Variants in AMBRA1 observed in about 807,000 individuals in gnomAD.
AMBRA1 encodes the protein autophagy and beclin 1 regulator 1, also known as activating molecule in BECN1-regulated autophagy protein 1.
Under a neutral mutation model 125.4 loss-of-function variants are expected in AMBRA1, and 47 were observed. That is an observed-to-expected ratio of 0.37 (90% CI 0.30 to 0.48). The LOEUF (loss-of-function observed/expected upper bound fraction) is 0.48. AMBRA1 is among the 20% of genes least tolerant of loss of function. The pLI is 0.99. For missense variants in AMBRA1, 1,331 were observed against 1,693.4 expected, an observed-to-expected ratio of 0.79 and a Z score of 3.76; for synonymous variants, 626 against 655.5, an observed-to-expected ratio of 0.95 and a Z score of 0.69.
intron 9 of AMBRA1, among the ~76,000 whole-genome samples, chr11:46,507,217 C>T (rs1196984666): frequency 2.2e-4 from 32 of 145,428 alleles, no homozygotes; most frequent in Non-Finnish European, 3.9e-4. Flanking sequence ...CGGTGGGTCA[C>T]GCCTGTAATC....
intron 14 of AMBRA1, among the ~76,000 whole-genome samples, chr11:46,421,712 T>C (rs1390532176): frequency 1.3e-5 from 2 of 152,152 alleles, no homozygotes; most frequent in Non-Finnish European, 2.9e-5. Context: ...CTCTCACAAT[T>C]AGCCCTACAG....
At chr11:46,507,423 G>T (rs1242998224) in intron 9 of AMBRA1, among the ~76,000 whole-genome samples, 2 of 150,740 alleles carry the variant, frequency 1.3e-5, no homozygotes, top group Non-Finnish European at 2.9e-5. Flanking sequence ...AGCTTGCAGT[G>T]AGCCGAGATA....
At chr11:46,531,099 T>C (rs887203148) in intron 7 of AMBRA1, among the ~76,000 whole-genome samples, 1 of 152,050 alleles carries the variant, frequency 6.6e-6, no homozygotes, top group Non-Finnish European at 1.5e-5. Flanking sequence ...GCCAGGCTGG[T>C]CTCCAACTCC....
chr11:46,514,726 C>T (rs1426488284), intron 7 of AMBRA1, among the ~76,000 whole-genome samples: 1 of 152,012 alleles, frequency 6.6e-6, no homozygotes, highest in Non-Finnish European at 1.5e-5. Flanking sequence ...CCTCCTGCCT[C>T]GGCCTCCCAA....
In AMBRA1 at chr11:46,542,056, G is replaced by A. The variant is rs1288746317; in HGVS notation, c.1961C>T (p.Thr654Ile). The A allele has an allele frequency of 3.1e-6, 5 of 1,613,928 alleles. No individual in the cohort carries two copies. The South Asian group carries it at 4.4e-5, about 14-fold the overall frequency. Reference protein sequence around the residue: ...RTVGVAFNQETGHWERIYTQS... With the variant: ...RTVGVAFNQEIGHWERIYTQS... Reference sequence around the variant, plus strand: ...GGTGTAAATTCTTTCCCAGTGGCCTGTCTCCTGGTTAAAGGCCACCCCCAC... The same window carrying A: ...GGTGTAAATTCTTTCCCAGTGGCCTATCTCCTGGTTAAAGGCCACCCCCAC... The change falls in exon 7 of 18, where the codon ACA (threonine) becomes ATA (isoleucine). Residue 654 changes from threonine to isoleucine, a missense_variant. Transcript: ENST00000683756. The surrounding 1 kb of genome is among the most constrained non-coding windows in gnomAD (Gnocchi z 5.9).
chr11:46,563,811 A>G (rs1307920314), intron 1 of AMBRA1, among the ~76,000 whole-genome samples: 1 of 148,200 alleles, frequency 6.7e-6, no homozygotes, highest in African/African-American at 2.5e-5. Flanking sequence ...ACTGTACTCC[A>G]GGCTAGTCTG....
intron 7 of AMBRA1, among the ~76,000 whole-genome samples, chr11:46,533,258 G>A (rs202199737): frequency 8.9e-6 from 1 of 112,306 alleles, no homozygotes; most frequent in Non-Finnish European, 2.1e-5. Flanking sequence ...CACACAAATT[G>A]TTAATAGCAG....
intron 11 of AMBRA1, among the ~76,000 whole-genome samples, chr11:46,461,380 T>C (rs545566269): frequency 1.3e-5 from 2 of 152,260 alleles, no homozygotes; most frequent in Non-Finnish European, 2.9e-5. Flanking sequence ...TATGCCTGTA[T>C]AGATACTACT....
At chr11:46,564,739 C>A (rs1229175061) in intron 1 of AMBRA1, among the ~76,000 whole-genome samples, 1 of 152,154 alleles carries the variant, frequency 6.6e-6, no homozygotes, top group Admixed American at 6.6e-5. Context: ...AATATCCATG[C>A]CTCAACCTAT....
chr11:46,468,428 A>G (rs1344218104), intron 11 of AMBRA1, among the ~76,000 whole-genome samples: 1 of 152,032 alleles, frequency 6.6e-6, no homozygotes, highest in Non-Finnish European at 1.5e-5. Flanking sequence ...CCTTGGCTCA[A>G]TGTAACTCTG....
chr11:46,416,533 A>G (rs1237804629), intron 15 of AMBRA1, among the ~76,000 whole-genome samples: 39 of 152,242 alleles, frequency 2.6e-4, no homozygotes, highest in Admixed American at 2.5e-3. Context: ...CCTTTCTCCT[A>G]GGCCACTGAC....
At chr11:46,584,986 C>G (rs568278479) in intron 1 of AMBRA1, among the ~76,000 whole-genome samples, 21 of 152,158 alleles carry the variant, frequency 1.4e-4, no homozygotes, top group African/African-American at 5.1e-4. Context: ...GCAGGAGAAA[C>G]GCTTGAACCT....
chr11:46,501,496 A>C (rs1349985235), intron 9 of AMBRA1, among the ~76,000 whole-genome samples: 7 of 152,238 alleles, frequency 4.6e-5, no homozygotes, highest in African/African-American at 1.7e-4. Context: ...ATGAATACAA[A>C]ATAATGTAAA....
intron 14 of AMBRA1, among the ~76,000 whole-genome samples, chr11:46,425,148 TAGAA>T (rs1213917170): frequency 1.3e-5 from 2 of 151,882 alleles, no homozygotes; most frequent in African/African-American, 4.8e-5. Context: ...AATAAATAAA[TAGAA>T]AGAAAGCAAT....
chr11:46,531,404 A>C, intron 7 of AMBRA1, among the ~76,000 whole-genome samples: 1 of 152,128 alleles, frequency 6.6e-6, no homozygotes, highest in Non-Finnish European at 1.5e-5. Context: ...TGAGCAGCAA[A>C]GGTAAGAAAG....
At chr11:46,423,645 C>T (rs1278065102) in intron 14 of AMBRA1, among the ~76,000 whole-genome samples, 1 of 152,142 alleles carries the variant, frequency 6.6e-6, no homozygotes, top group African/African-American at 2.4e-5. Context: ...CCTGCCTCGG[C>T]CTCCCAAAGT....
intron 12 of AMBRA1, among the ~76,000 whole-genome samples, chr11:46,441,652 T>A (rs372331322): frequency 3.3e-5 from 5 of 152,148 alleles, no homozygotes; most frequent in Admixed American, 3.3e-4. Context: ...AAGCTAATAG[T>A]GTCTGAAGCA....
chr11:46,591,836 G>T (rs567649949), intron 1 of AMBRA1, among the ~76,000 whole-genome samples: 6 of 151,598 alleles, frequency 4.0e-5, no homozygotes, highest in African/African-American at 1.2e-4. Flanking sequence ...CAGCCTGGGG[G>T]ACAAAGCAAG....
chr11:46,538,687 G>A (rs1465988271), intron 7 of AMBRA1, among the ~76,000 whole-genome samples: 5 of 152,002 alleles, frequency 3.3e-5, no homozygotes, highest in Admixed American at 6.6e-5. Context: ...TAATAGAGAC[G>A]CGGTTTTACC....
Sources: gnomAD v4.1 joint callset for allele counts (sites outside exome capture counted in the v4.1 genomes callset) on GRCh38, gnomAD v4.1.1 for gene constraint, Gnocchi (gnomAD v3.1) non-coding constraint, MANE v1.5 for transcripts, NCBI Gene and HGNC (gene_info 2026-07-23, HGNC 2026-07-21) for gene names.